FOXP1: variants seen among roughly 807,000 people sequenced by gnomAD.
The protein encoded by FOXP1 is forkhead box protein P1.
In FOXP1, 15 loss-of-function variants were observed where a neutral mutation model predicts 98.2. That is an observed-to-expected ratio of 0.15 (90% CI 0.10 to 0.24). The LOEUF (loss-of-function observed/expected upper bound fraction) is 0.24. FOXP1 is among the 10% of genes least tolerant of loss of function. The pLI is 1.00. For synonymous variants in FOXP1, 371 were observed against 314.5 expected, an observed-to-expected ratio of 1.18 and a Z score of -1.90; for missense variants, 633 against 848.5, an observed-to-expected ratio of 0.75 and a Z score of 3.15.
intron 15 of FOXP1, 34 bp downstream of exon 15, chr3:70,977,794 C>G: frequency 6.2e-7 from 1 of 1,612,070 alleles, no homozygotes; most frequent in Non-Finnish European, 8.5e-7. Context: ...TTGCAGATTA[C>G]AACTCTACGT....
chr3:71,354,183 G>A (rs2077998627), intron 4 of FOXP1, among the ~76,000 whole-genome samples: 1 of 151,726 alleles, frequency 6.6e-6, no homozygotes, highest in African/African-American at 2.4e-5. Flanking sequence ...GGAGGCTGAG[G>A]CAGGAGAATC....
At position 70,972,551 on chromosome 3, in the gene FOXP1, G is replaced by A. The variant is rs572849158; in HGVS notation, c.1652+4C>T. The A allele has an allele frequency of 1.1e-5, 18 of 1,614,156 alleles. No individual in the cohort carries two copies. Among genetic ancestry groups the A allele is most frequent in the East Asian group, 8.9e-5 (4 of 44,884 alleles). On this transcript the variant is annotated splice_donor_region_variant and intron_variant, in intron 18 of 20. Coordinates refer to ENST00000649528, the MANE Select transcript of FOXP1 (RefSeq NM_001349338.3). ...GCTAAGAAGTTCAAACATGGTGGAC[G>A]TACCCACTGATCTTTTGTGGCCTTC...
chr3:71,377,557 C>G (rs2079814733), intron 3 of FOXP1, among the ~76,000 whole-genome samples: 2 of 152,246 alleles, frequency 1.3e-5, no homozygotes, highest in African/African-American at 4.8e-5. Context: ...ATAACCCCCC[C>G]AAGGTCACCG....
chr3:71,317,773 C>T (rs1294908522), intron 4 of FOXP1, among the ~76,000 whole-genome samples: 5 of 151,870 alleles, frequency 3.3e-5, no homozygotes, highest in African/African-American at 1.2e-4. Context: ...GAGTATAACA[C>T]GTCCCAAAGA....
chr3:71,535,804 C>T (rs952411701), intron 2 of FOXP1, among the ~76,000 whole-genome samples: 2 of 152,186 alleles, frequency 1.3e-5, no homozygotes, highest in Non-Finnish European at 2.9e-5. Context: ...GGTTCTGCCC[C>T]ACTCTGAGAT....
At chr3:71,230,106 G>C (rs2106745540) in intron 5 of FOXP1, among the ~76,000 whole-genome samples, 1 of 113,006 alleles carries the variant, frequency 8.8e-6, no homozygotes, top group East Asian at 3.1e-4. Flanking sequence ...AGCCAAAGCA[G>C]ACACCACTGG....
At chr3:71,437,399 CCT>C (rs1426080159) in intron 3 of FOXP1, among the ~76,000 whole-genome samples, 1 of 151,996 alleles carries the variant, frequency 6.6e-6, no homozygotes, top group African/African-American at 2.4e-5. Flanking sequence ...AGAATGAGAC[CCT>C]GTCTCAAAAG....
chr3:71,357,042 A>C (rs2078212256), intron 4 of FOXP1, among the ~76,000 whole-genome samples: 2 of 152,142 alleles, frequency 1.3e-5, no homozygotes, highest in African/African-American at 4.8e-5. Flanking sequence ...GGGAGCAACA[A>C]ATCACAGAAA....
intron 19 of FOXP1, chr3:70,968,888 G>A (rs1390005966): frequency 6.6e-6 from 1 of 152,140 alleles, no homozygotes. Flanking sequence ...ATCCAAACTC[G>A]TAGAAGAGAG....
intron 3 of FOXP1, among the ~76,000 whole-genome samples, chr3:71,412,199 A>C (rs2082805108): frequency 2.0e-5 from 3 of 150,760 alleles, no homozygotes; most frequent in South Asian, 4.1e-4. Flanking sequence ...AGAGACACCT[A>C]GACTTGCTCC....
intron 5 of FOXP1, among the ~76,000 whole-genome samples, chr3:71,218,916 G>C (rs1333280979): frequency 1.3e-5 from 2 of 152,060 alleles, no homozygotes; most frequent in Non-Finnish European, 2.9e-5. Context: ...GCAGTCCCTT[G>C]TTCCTACAAC....
intron 12 of FOXP1, among the ~76,000 whole-genome samples, chr3:71,013,813 G>T (rs1458639412): frequency 6.6e-6 from 1 of 152,052 alleles, no homozygotes; most frequent in Non-Finnish European, 1.5e-5. Flanking sequence ...TATAGACCAA[G>T]GGAACAGAAC....
At chr3:71,126,206 C>T (rs2593853) in intron 6 of FOXP1, among the ~76,000 whole-genome samples, 46,735 of 151,050 alleles carry the variant, frequency 0.31, 7,915 homozygotes, top group East Asian at 0.6. Context: ...AATTTTTGGC[C>T]GGGCGTGGTG....
chr3:71,463,658 T>C (rs991414156), intron 3 of FOXP1, among the ~76,000 whole-genome samples: 4 of 152,156 alleles, frequency 2.6e-5, no homozygotes, highest in African/African-American at 7.2e-5. Context: ...CCATGCTTTG[T>C]GGTCCCTGAA....
chr3:71,520,232 A>T (rs991179184), intron 2 of FOXP1, among the ~76,000 whole-genome samples: 1 of 152,212 alleles, frequency 6.6e-6, no homozygotes, highest in Non-Finnish European at 1.5e-5. Flanking sequence ...TGTTTGCCTC[A>T]TCAATTTCTA....
chr3:71,436,409 G>C (rs1043725940), intron 3 of FOXP1, among the ~76,000 whole-genome samples: 3 of 152,104 alleles, frequency 2.0e-5, no homozygotes, highest in African/African-American at 7.2e-5. Flanking sequence ...GTGGTCTGAG[G>C]AGTGTGGGGA....
chr3:71,361,642 T>C (rs1214674741), intron 3 of FOXP1, among the ~76,000 whole-genome samples: 8 of 152,182 alleles, frequency 5.3e-5, no homozygotes, highest in African/African-American at 9.7e-5. Flanking sequence ...TAACATGACA[T>C]TGATGGCGGG....
chr3:71,552,479 CA>C (rs1439795913), intron 2 of FOXP1, among the ~76,000 whole-genome samples: 3 of 151,430 alleles, frequency 2.0e-5, no homozygotes, highest in Non-Finnish European at 4.4e-5. Flanking sequence ...AGATGTAATA[CA>C]GAAAAGATAA....
At chr3:71,190,591 T>G (rs2062909292) in intron 6 of FOXP1, among the ~76,000 whole-genome samples, 1 of 142,168 alleles carries the variant, frequency 7.0e-6, no homozygotes, top group Non-Finnish European at 1.5e-5. Flanking sequence ...ATCGCAACCC[T>G]GTACTCTCTG....
Sources: allele counts gnomAD v4.1 joint callset (sites outside exome capture counted in the v4.1 genomes callset), GRCh38; gene constraint gnomAD v4.1.1; transcripts MANE v1.5; gene names NCBI Gene and HGNC (gene_info 2026-07-23, HGNC 2026-07-21).